The following UCKL1 variants were observed in gnomAD, a reference collection of about 807,000 sequenced individuals.
UCKL1 encodes uridine-cytidine kinase 1 like 1, also known as uridine-cytidine kinase-like 1.
A neutral mutation model predicts 59.2 loss-of-function variants in UCKL1; 65 were observed. That is an observed-to-expected ratio of 1.10 (90% confidence interval 0.90 to 1.35). UCKL1 has a LOEUF of 1.35. Ranked by LOEUF, UCKL1 falls within the 40% of genes most tolerant of loss-of-function variation. The pLI is 0.00. For synonymous variants in UCKL1, 410 were observed against 323.1 expected, an observed-to-expected ratio of 1.27 and a Z score of -2.88; for missense variants, 703 against 784.3, an observed-to-expected ratio of 0.90 and a Z score of 1.24.
In UCKL1 at chr20:63,945,970, C is replaced by CT; in HGVS notation, c.416_417insA (p.Thr140AspfsTer2). 1 of 1,613,738 alleles carries CT rather than the reference C, an allele frequency of 6.2e-7. No individual in the cohort carries two copies. Among genetic ancestry groups the CT allele is most frequent in the Non-Finnish European group, 8.5e-7 (1 of 1,179,974 alleles). ...CGGCCTGTTCCTGCTGCTGCTCAGT[C>CT]AGCACCTGGTGGGGGAGGCTGTGGA... On this transcript the variant is annotated frameshift_variant, in exon 4 of 15. Coordinates refer to ENST00000354216, the MANE Select transcript of UCKL1 (RefSeq NM_017859.4). LOFTEE classifies it high-confidence loss of function.
intron 1 of UCKL1, chr20:63,950,766 C>G: frequency 6.5e-7 from 1 of 1,538,008 alleles, no homozygotes; most frequent in Non-Finnish European, 8.8e-7. Flanking sequence ...CACCTGCCTT[C>G]TGCTCCAAGG....
At chr20:63,945,771 C>T (rs777423523) in intron 4 of UCKL1, 34 bp downstream of exon 4, 38 of 1,612,694 alleles carry the variant, frequency 2.4e-5, no homozygotes, top group South Asian at 1.8e-4. Flanking sequence ...TGCCTGCAGC[C>T]CCCCGAGGCC....
At chr20:63,943,594 G>T (rs1418145413) in intron 8 of UCKL1, 59 bp downstream of exon 8, 3 of 1,611,422 alleles carry the variant, frequency 1.9e-6, no homozygotes, top group African/African-American at 1.3e-5. Context: ...CCAGACCCCA[G>T]AGCTCCTTGG....
chr20:63,943,354 C>G (rs1349983687), intron 8 of UCKL1, among the ~76,000 whole-genome samples: 1 of 152,222 alleles, frequency 6.6e-6, no homozygotes, highest in African/African-American at 2.4e-5. Flanking sequence ...AGGAGGACAG[C>G]TGTGCTCTCT....
At chr20:63,945,340 C>T (rs1156480732) in intron 5 of UCKL1, among the ~76,000 whole-genome samples, 1 of 152,154 alleles carries the variant, frequency 6.6e-6, no homozygotes, top group Non-Finnish European at 1.5e-5. Context: ...CTCAAACACA[C>T]CAGCCCTGGG....
Position 63,956,364 on chromosome 20 carries a change from C to T in UCKL1, c.9G>A (p.Ala3=), listed in dbSNP as rs371788827. 8 of 1,523,682 alleles carry T rather than the reference C, an allele frequency of 5.3e-6. No homozygotes were observed. The highest frequency in any genetic ancestry group is 1.2e-5 in the South Asian group (1 of 81,510). The allele number at this position is 1,523,682 out of a possible 1,614,324, so 94.4% of individuals were successfully genotyped here. Residue 3 remains alanine, a synonymous_variant, in exon 1 of 15, where the codon GCG becomes GCA. Transcript: ENST00000354216. Reference sequence around the variant, plus strand: ...GATCAGCGTCCGCGCGGGCCGGGGGCGCAGCCATGGCGCTCGGAGGCCTCT... The same window carrying T: ...GATCAGCGTCCGCGCGGGCCGGGGGTGCAGCCATGGCGCTCGGAGGCCTCT... MA[A]PPARADADPS...
chr20:63,943,152 G>A (rs1471625302), intron 8 of UCKL1, among the ~76,000 whole-genome samples: 2 of 152,262 alleles, frequency 1.3e-5, no homozygotes, highest in African/African-American at 4.8e-5. Context: ...TGCTGGCAGA[G>A]CTGTGCGGGC....
chr20:63,941,488 A>G, intron 8 of UCKL1: 1 of 484,928 alleles, frequency 2.1e-6, no homozygotes, highest in Non-Finnish European at 3.9e-6. Flanking sequence ...CCAGTGCGGG[A>G]CCCCTCCTGC....
intron 1 of UCKL1, chr20:63,953,949 T>G (rs1274492702): frequency 6.6e-6 from 1 of 152,568 alleles, no homozygotes; most frequent in African/African-American, 2.4e-5. Context: ...CCACGGACCT[T>G]CCTGCTGGGT....
chr20:63,944,356 G>C, intron 7 of UCKL1, 41 bp downstream of exon 7: 1 of 1,528,878 alleles, frequency 6.5e-7, no homozygotes, highest in Non-Finnish European at 8.8e-7. Flanking sequence ...GTGGGTAGAG[G>C]GGCTGGGGGC....
chr20:63,944,770 C>T (rs1387064153), intron 5 of UCKL1, 36 bp from the exon 6 acceptor site: 1 of 1,606,770 alleles, frequency 6.2e-7, no homozygotes. Flanking sequence ...TGGCCAGATG[C>T]CAGCAGTGGG....
chr20:63,946,797 G>A (rs966570523), intron 1 of UCKL1, among the ~76,000 whole-genome samples, 154 bp from the exon 2 acceptor site: 4 of 152,172 alleles, frequency 2.6e-5, no homozygotes, highest in East Asian at 3.9e-4. Context: ...CTCTGCCTGG[G>A]CTGGGCGTGG....
At chr20:63,947,784 A>C (rs574356354) in intron 1 of UCKL1, among the ~76,000 whole-genome samples, 196 of 152,224 alleles carry the variant, frequency 1.3e-3, no homozygotes, top group Non-Finnish European at 2.4e-3. Context: ...GGGAGCCCCT[A>C]AAGTCTGCAA....
At chr20:63,946,923 A>T (rs987513782) in intron 1 of UCKL1, among the ~76,000 whole-genome samples, 6 of 147,400 alleles carry the variant, frequency 4.1e-5, no homozygotes, top group South Asian at 2.2e-4. Flanking sequence ...ACTAAAAATT[A>T]AAAAAAAAAA....
intron 1 of UCKL1, chr20:63,954,440 T>C (rs1468355087): frequency 1.3e-5 from 2 of 152,280 alleles, no homozygotes; most frequent in African/African-American, 2.4e-5. Context: ...CAGGAGGCAC[T>C]GGAACGGTGG....
intron 8 of UCKL1, 46 bp downstream of exon 8, chr20:63,943,607 G>GT: frequency 6.2e-7 from 1 of 1,612,298 alleles, no homozygotes; most frequent in Non-Finnish European, 8.5e-7. Flanking sequence ...CTCCTTGGAG[G>GT]TGTTGGAAGT....
At chr20:63,946,730 C>T (rs1261736324) in intron 1 of UCKL1, 87 bp from the exon 2 acceptor site, 3 of 1,402,016 alleles carry the variant, frequency 2.1e-6, no homozygotes, top group South Asian at 1.3e-5. Context: ...GGGCACCCCC[C>T]CCACCCCCTC....
chr20:63,940,069 G>T lies in UCKL1; in HGVS notation c.1568-14C>A, dbSNP rs747509763. On this transcript the variant is annotated splice_polypyrimidine_tract_variant and intron_variant, in intron 14 of 14. Coordinates refer to ENST00000354216, the MANE Select transcript of UCKL1 (RefSeq NM_017859.4). Reference sequence around the variant, plus strand: ...CGCCAAAGTTCCCTGGAAAAAGGGGGGGGGGGGTCCAGTGTGGTGGGGCCT... The same window carrying T: ...CGCCAAAGTTCCCTGGAAAAAGGGGTGGGGGGGTCCAGTGTGGTGGGGCCT... The T allele has an allele frequency of 3.8e-5, 61 of 1,606,914 alleles. No individual in the cohort carries two copies. Among genetic ancestry groups the T allele is most frequent in the Admixed American group, 8.3e-5 (5 of 59,934 alleles).
At chr20:63,941,383 C>T in intron 8 of UCKL1, 175 bp from the exon 9 acceptor site, 1 of 1,004,778 alleles carries the variant, frequency 1.0e-6, no homozygotes, top group Non-Finnish European at 1.5e-6. Flanking sequence ...GTCGCCCTAC[C>T]TGAGCTGTCA....
Sources: gnomAD v4.1 joint callset for allele counts (sites outside exome capture counted in the v4.1 genomes callset) on GRCh38, gnomAD v4.1.1 for gene constraint, MANE v1.5 for transcripts, NCBI Gene and HGNC (gene_info 2026-07-23, HGNC 2026-07-21) for gene names.